PCDH9: variants seen among roughly 807,000 people sequenced by gnomAD.
The protein encoded by PCDH9 is protocadherin 9, also known as protocadherin-9.
PCDH9 carries 24 observed loss-of-function variants against 70.6 expected under a neutral mutation model. That is an observed-to-expected ratio of 0.34 (90% CI 0.25 to 0.48). The LOEUF (loss-of-function observed/expected upper bound fraction) is 0.48, where lower values mean the gene tolerates loss of function less well. PCDH9 is among the 20% of genes least tolerant of loss of function. The pLI is 0.99. For synonymous variants in PCDH9, 562 were observed against 558.5 expected, an observed-to-expected ratio of 1.01 and a Z score of -0.09; for missense variants, 1,281 against 1,503.6, an observed-to-expected ratio of 0.85 and a Z score of 2.45.
chr13:66,934,652 A>T (rs2082878180), intron 2 of PCDH9, among the ~76,000 whole-genome samples: 1 of 149,244 alleles, frequency 6.7e-6, no homozygotes, highest in African/African-American at 2.5e-5. Context: ...ATTTTAGTGA[A>T]TATTTTATGA....
intron 3 of PCDH9, among the ~76,000 whole-genome samples, chr13:66,858,300 T>G (rs966387529): frequency 2.2e-4 from 33 of 152,220 alleles, no homozygotes; most frequent in African/African-American, 7.7e-4. Flanking sequence ...TTTGTTTATT[T>G]TATCTAGAAA....
chr13:66,430,503 A>T (rs1957752006), intron 4 of PCDH9, among the ~76,000 whole-genome samples: 1 of 152,034 alleles, frequency 6.6e-6, no homozygotes, highest in Non-Finnish European at 1.5e-5. Flanking sequence ...CCTTCCAGTG[A>T]AGCAATAACA....
intron 2 of PCDH9, among the ~76,000 whole-genome samples, chr13:67,101,551 G>T (rs10162107): frequency 2.0e-5 from 3 of 152,136 alleles, no homozygotes; most frequent in East Asian, 1.9e-4. Flanking sequence ...GTATACATAC[G>T]TGTATATGTG....
At chr13:67,153,836 T>C (rs527684836) in intron 2 of PCDH9, among the ~76,000 whole-genome samples, 5 of 152,368 alleles carry the variant, frequency 3.3e-5, no homozygotes, top group African/African-American at 1.2e-4. Context: ...ATGAAAAATG[T>C]AGTTTACTCT....
intron 2 of PCDH9, among the ~76,000 whole-genome samples, chr13:67,074,801 T>C (rs542580249): frequency 6.6e-6 from 1 of 152,278 alleles, no homozygotes; most frequent in Admixed American, 6.6e-5. Flanking sequence ...TGTAGAATTA[T>C]TAGTATTAAT....
chr13:66,483,530 G>T lies in PCDH9; in HGVS notation c.3340+147680C>A, dbSNP rs558981380. Among the ~76,000 whole-genome samples, 51 of 152,316 alleles carry T rather than the reference G, an allele frequency of 3.3e-4. 1 individual carries two copies. The Middle Eastern group carries it at 0.014, about 41-fold the overall frequency. ...AAATTATCACCATCAGTGTCTACTT[G>T]TTTGAGTGTACACATAGAAAAGTAA... On this transcript the variant is annotated intron_variant, in intron 4 of 4. Transcript: ENST00000377865.
intron 4 of PCDH9, among the ~76,000 whole-genome samples, chr13:66,448,779 T>C (rs1249754879): frequency 2.0e-5 from 3 of 152,224 alleles, no homozygotes; most frequent in Non-Finnish European, 4.4e-5. Context: ...TGCTGCGTAC[T>C]ATTTTTGAAT....
intron 3 of PCDH9, among the ~76,000 whole-genome samples, chr13:66,693,133 C>T (rs1177062971): frequency 3.9e-5 from 6 of 152,042 alleles, no homozygotes; most frequent in Non-Finnish European, 7.4e-5. Context: ...CTATCCTAAC[C>T]TTGTCATCTT....
chr13:66,826,172 A>G (rs113187912), intron 3 of PCDH9, among the ~76,000 whole-genome samples: 1,792 of 152,300 alleles, frequency 0.012, 28 homozygotes, highest in African/African-American at 0.04. Context: ...AAAAACTTAA[A>G]GAAGTCACTC....
chr13:67,110,953 C>A (rs1256069806), intron 2 of PCDH9, among the ~76,000 whole-genome samples: 1 of 152,152 alleles, frequency 6.6e-6, no homozygotes, highest in African/African-American at 2.4e-5. Context: ...CATTAGAATG[C>A]AAATTCCATA....
intron 2 of PCDH9, among the ~76,000 whole-genome samples, chr13:67,152,743 T>A (rs1444022091): frequency 6.6e-6 from 1 of 151,606 alleles, no homozygotes; most frequent in Non-Finnish European, 1.5e-5. Flanking sequence ...GAAGAAAGAA[T>A]CATCATTACT....
At chr13:66,762,997 T>C (rs2079653008) in intron 3 of PCDH9, among the ~76,000 whole-genome samples, 1 of 151,950 alleles carries the variant, frequency 6.6e-6, no homozygotes, top group African/African-American at 2.4e-5. Flanking sequence ...TTATGTTGCC[T>C]AGGCTGGAAT....
intron 4 of PCDH9, among the ~76,000 whole-genome samples, chr13:66,409,598 C>T (rs551899411): frequency 1.3e-4 from 20 of 152,180 alleles, no homozygotes; most frequent in African/African-American, 4.6e-4. Flanking sequence ...TCACCAGCAC[C>T]GAAACTAGAT....
At chr13:66,887,447 G>A (rs1047806970) in intron 3 of PCDH9, among the ~76,000 whole-genome samples, 19 of 151,990 alleles carry the variant, frequency 1.3e-4, no homozygotes, top group Non-Finnish European at 2.9e-5. Context: ...AGTAGGAAAG[G>A]AAACACAAGT....
chr13:66,906,994 T>C (rs575448477), intron 2 of PCDH9, among the ~76,000 whole-genome samples: 1 of 152,156 alleles, frequency 6.6e-6, no homozygotes, highest in East Asian at 1.9e-4. Context: ...TCACCTGTGG[T>C]CAGGAGTTTG....
intron 2 of PCDH9, among the ~76,000 whole-genome samples, chr13:66,937,853 C>T (rs1594285789): frequency 6.6e-6 from 1 of 151,674 alleles, no homozygotes. Flanking sequence ...TTGTTCTGAC[C>T]ATGAGGTACC....
At chr13:66,331,484 G>A (rs1341399692) in intron 4 of PCDH9, among the ~76,000 whole-genome samples, 1 of 152,112 alleles carries the variant, frequency 6.6e-6, no homozygotes, top group African/African-American at 2.4e-5. Flanking sequence ...CTATCCACGT[G>A]CATTAAGGAA....
Position 67,156,740 on chromosome 13 carries a change from ATAGATG to A in PCDH9, c.3036+68659_3036+68664del, listed in dbSNP as rs1566461881. Among the ~76,000 whole-genome samples, 1,064 of 152,330 alleles carry A rather than the reference ATAGATG, an allele frequency of 7.0e-3. 13 individuals carry two copies. The highest frequency in any genetic ancestry group is 0.024 in the African/African-American group (1,011 of 41,574). On this transcript the variant is annotated intron_variant, in intron 2 of 4. Transcript: ENST00000377865. ...TAATTGAGCTGGTTAACACAAGCCT[ATAGATG>A]GCACACTAAGAGAGCATCCTGTAAC...
chr13:66,343,490 G>A (rs879216593), intron 4 of PCDH9, among the ~76,000 whole-genome samples: 4 of 152,288 alleles, frequency 2.6e-5, no homozygotes, highest in Admixed American at 6.5e-5. Flanking sequence ...AACCAAGCTC[G>A]TCATCTTAAG....
Sources: gnomAD v4.1 joint callset for allele counts (sites outside exome capture counted in the v4.1 genomes callset) on GRCh38, gnomAD v4.1.1 for gene constraint, MANE v1.5 for transcripts, NCBI Gene and HGNC (gene_info 2026-07-23, HGNC 2026-07-21) for gene names.